Variants in CPNE8 observed in about 807,000 individuals in gnomAD.
The protein encoded by CPNE8 is copine 8.
In CPNE8, 45 loss-of-function variants were observed where a neutral mutation model predicts 81.5. The ratio of observed to expected loss-of-function variants is 0.55; its 90% CI spans 0.44 to 0.71. CPNE8 has a LOEUF of 0.71. Among genes scored for constraint, CPNE8 ranks in the 30% least tolerant of loss-of-function variants. The pLI, the probability that CPNE8 is intolerant of heterozygous loss-of-function variation, is 0.00. For missense variants in CPNE8, 594 were observed against 672.1 expected (o/e 0.88, Z 1.28); for synonymous variants, 252 against 226.3 (o/e 1.11, Z -1.02).
At chr12:38,674,074 A>G (rs1939236649) in intron 18 of CPNE8, among the ~76,000 whole-genome samples, 1 of 152,116 alleles carries the variant, frequency 6.6e-6, no homozygotes. Context: ...AGGACCTCAC[A>G]GAGAGAAAAT....
intron 6 of CPNE8, among the ~76,000 whole-genome samples, chr12:38,799,913 C>A (rs1244528174): frequency 6.6e-6 from 1 of 151,794 alleles, no homozygotes; most frequent in Non-Finnish European, 1.5e-5. Flanking sequence ...CCTGGAAAAT[C>A]GGGTCACTCC....
chr12:38,664,017 C>A, intron 19 of CPNE8, among the ~76,000 whole-genome samples: 1 of 151,812 alleles, frequency 6.6e-6, no homozygotes, highest in East Asian at 1.9e-4. Flanking sequence ...TTAATGGATA[C>A]AAAATTACGG....
At chr12:38,866,053 T>C (rs1482006519) in intron 3 of CPNE8, among the ~76,000 whole-genome samples, 13 of 152,248 alleles carry the variant, frequency 8.5e-5, no homozygotes. Context: ...CTGGTATTGC[T>C]GACATTGGAA....
chr12:38,810,377 G>A (rs141236982), intron 6 of CPNE8, among the ~76,000 whole-genome samples: 81 of 152,222 alleles, frequency 5.3e-4, no homozygotes, highest in African/African-American at 1.8e-3. Context: ...TATTCTAATT[G>A]TATATCTCCC....
chr12:38,748,310 C>T lies in CPNE8; in HGVS notation c.722+12537G>A, dbSNP rs189525093. Among the ~76,000 whole-genome samples, 1,495 of 152,178 alleles carry T rather than the reference C, an allele frequency of 9.8e-3. 40 individuals are homozygous for T. Among genetic ancestry groups the T allele is most frequent in the Non-Finnish European group, 9.8e-3 (667 of 68,010 alleles). On this transcript the variant is annotated intron_variant, in intron 10 of 19. Coordinates refer to ENST00000331366, the MANE Select transcript of CPNE8 (RefSeq NM_153634.3). ...ACAGGCATGAGCAACCCCATCCGAA[C>T]GCAATACTATTAATAGATACATAAT...
chr12:38,787,932 G>A (rs1422948119), intron 6 of CPNE8, among the ~76,000 whole-genome samples: 1 of 127,494 alleles, frequency 7.8e-6, no homozygotes, highest in Non-Finnish European at 1.7e-5. Flanking sequence ...TAACAAGTAA[G>A]GAAAGTAAGG....
intron 18 of CPNE8, among the ~76,000 whole-genome samples, chr12:38,673,968 A>T: frequency 6.6e-6 from 1 of 152,120 alleles, no homozygotes; most frequent in Admixed American, 6.6e-5. Context: ...GTGATTGTCC[A>T]CAGGTTAACC....
chr12:38,807,303 A>C (rs925110526), intron 6 of CPNE8, among the ~76,000 whole-genome samples: 42 of 147,228 alleles, frequency 2.9e-4, no homozygotes, highest in Admixed American at 3.5e-4. Flanking sequence ...AGTCAATCCT[A>C]AGCCAAAAGA....
chr12:38,670,380 T>C (rs550689916), intron 19 of CPNE8, among the ~76,000 whole-genome samples: 4 of 152,196 alleles, frequency 2.6e-5, no homozygotes, highest in African/African-American at 9.6e-5. Context: ...GTTGTTTATA[T>C]TCACTTCCAG....
intron 14 of CPNE8, among the ~76,000 whole-genome samples, chr12:38,699,730 G>A (rs2136684457): frequency 6.6e-6 from 1 of 152,018 alleles, no homozygotes; most frequent in Non-Finnish European, 1.5e-5. Flanking sequence ...ATGAACTATA[G>A]CATTTTCTGC....
chr12:38,824,061 C>T (rs1446113209), intron 6 of CPNE8, among the ~76,000 whole-genome samples: 1 of 152,120 alleles, frequency 6.6e-6, no homozygotes, highest in African/African-American at 2.4e-5. Context: ...AGATGAGAAA[C>T]GTGTTTGCCC....
chr12:38,755,383 C>A (rs1239289610), intron 10 of CPNE8, among the ~76,000 whole-genome samples: 3 of 152,144 alleles, frequency 2.0e-5, no homozygotes, highest in Non-Finnish European at 4.4e-5. Context: ...TCCCACATCA[C>A]AACCACATGG....
At chr12:38,675,644 G>T in intron 18 of CPNE8, 73 bp downstream of exon 18, 1 of 956,860 alleles carries the variant, frequency 1.0e-6, no homozygotes. Flanking sequence ...GACAAGAATG[G>T]CAGAAACCCA....
intron 7 of CPNE8, among the ~76,000 whole-genome samples, chr12:38,774,266 C>A (rs35922214): frequency 0.069 from 10,533 of 152,156 alleles, 465 homozygotes; most frequent in Non-Finnish European, 0.1. Flanking sequence ...TACATAAAAT[C>A]TGCTCAATAA....
chr12:38,666,562 G>A (rs1049665088), intron 19 of CPNE8, among the ~76,000 whole-genome samples: 4 of 152,252 alleles, frequency 2.6e-5, no homozygotes, highest in East Asian at 1.9e-4. Flanking sequence ...ATAGGATTTC[G>A]ATCAGCACAG....
In CPNE8 at chr12:38,700,383, C is replaced by T. The variant is rs148702104; in HGVS notation, c.961+2492G>A. ...CCTCCCTAGTAGCTGGGATTACAGG[C>T]GTGTGACAACACGCCTGGCTAATTT... On this transcript the variant is annotated intron_variant, in intron 14 of 19. Coordinates refer to ENST00000331366, the MANE Select transcript of CPNE8 (RefSeq NM_153634.3). Among the ~76,000 whole-genome samples, 720 of 151,890 alleles carry T rather than the reference C, an allele frequency of 4.7e-3. 5 individuals are homozygous for T. The highest frequency in any genetic ancestry group is 0.016 in the African/African-American group (665 of 41,440).
chr12:38,689,891 C>T (rs1002084872), intron 15 of CPNE8, among the ~76,000 whole-genome samples: 2 of 152,156 alleles, frequency 1.3e-5, no homozygotes, highest in Non-Finnish European at 2.9e-5. Flanking sequence ...AGAGCAATGA[C>T]TCATTCTTTT....
intron 6 of CPNE8, among the ~76,000 whole-genome samples, chr12:38,797,295 C>A (rs1056141011): frequency 3.3e-5 from 5 of 152,144 alleles, no homozygotes; most frequent in African/African-American, 4.8e-5. Flanking sequence ...TGGGAGGCAC[C>A]CCCCAGTAGG....
At chr12:38,739,046 C>T (rs965301502) in intron 10 of CPNE8, among the ~76,000 whole-genome samples, 1 of 152,036 alleles carries the variant, frequency 6.6e-6, no homozygotes, top group African/African-American at 2.4e-5. Context: ...CTCCTAGGCT[C>T]AAGAGATCGC....
Sources: gnomAD v4.1 joint callset for allele counts (sites outside exome capture counted in the v4.1 genomes callset) on GRCh38, gnomAD v4.1.1 for gene constraint, MANE v1.5 for transcripts, NCBI Gene and HGNC (gene_info 2026-07-23, HGNC 2026-07-21) for gene names.